MASP2: variants seen among roughly 807,000 people sequenced by gnomAD.
MASP2 encodes the protein MBL associated serine protease 2.
Under a neutral mutation model 57.1 loss-of-function variants are expected in MASP2, and 49 were observed. The ratio of observed to expected loss-of-function variants is 0.86; its 90% CI spans 0.68 to 1.09. The LOEUF (loss-of-function observed/expected upper bound fraction) is 1.09, where lower values mean the gene tolerates loss of function less well. MASP2 is among the 50% of genes least tolerant of loss of function. The probability of loss-of-function intolerance (pLI) is 0.00; values close to 1 mark genes in which losing one functional copy is unlikely to be tolerated. For missense variants in MASP2, 900 were observed against 874.8 expected (o/e 1.03, Z -0.36); for synonymous variants, 379 against 340.8 (o/e 1.11, Z -1.24).
chr1:11,030,649 T>A, intron 9 of MASP2, 99 bp downstream of exon 9: 1 of 1,348,282 alleles, frequency 7.4e-7, no homozygotes, highest in East Asian at 2.5e-5. Context: ...TAATCTTTTG[T>A]CTAGCCTTAG....
chr1:11,045,670 C>A, intron 3 of MASP2, 131 bp from the exon 4 acceptor site: 1 of 1,056,058 alleles, frequency 9.5e-7, no homozygotes, highest in Non-Finnish European at 1.3e-6. Flanking sequence ...GGGTGCGGGA[C>A]TGGTGCCGGG....
At chr1:11,044,729 A>C in intron 4 of MASP2, 1 of 1,360,014 alleles carries the variant, frequency 7.4e-7, no homozygotes, top group Non-Finnish European at 9.9e-7. Context: ...GGCTGTGAGG[A>C]GGGTAGGCAG....
At chr1:11,047,161 C>G (rs1638672485) in intron 1 of MASP2, 42 bp from the exon 2 acceptor site, 1 of 1,554,860 alleles carries the variant, frequency 6.4e-7, no homozygotes, top group African/African-American at 1.4e-5. Context: ...GGCCTGTGCT[C>G]CCACCCCACA....
At chr1:11,028,709 T>TG (rs1557665500) in intron 10 of MASP2, among the ~76,000 whole-genome samples, 4 of 119,796 alleles carry the variant, frequency 3.3e-5, no homozygotes, top group African/African-American at 2.0e-4. Flanking sequence ...TTTTTTTCTT[T>TG]TTTTTTTTTT....
At chr1:11,035,951 G>T (rs1643883219) in intron 7 of MASP2, among the ~76,000 whole-genome samples, 1 of 151,208 alleles carries the variant, frequency 6.6e-6, no homozygotes, top group Non-Finnish European at 1.5e-5. Context: ...TGAGAAAGCA[G>T]GTGTGATCAG....
intron 7 of MASP2, 136 bp from the exon 8 acceptor site, chr1:11,035,042 G>A (rs1557670016): frequency 1.7e-6 from 1 of 590,242 alleles, no homozygotes; most frequent in Non-Finnish European, 3.0e-6. Flanking sequence ...CACATGACTA[G>A]TATCTGCGTG....
chr1:11,030,466 A>G (rs949490630), intron 9 of MASP2: 13 of 582,774 alleles, frequency 2.2e-5, no homozygotes, highest in African/African-American at 2.1e-4. Context: ...TTGAATATGT[A>G]TCAAGATCTC....
Position 11,039,901 on chromosome 1 carries a change from T to TGG in MASP2, c.890-2091_890-2090insCC, listed in dbSNP as rs1426190243. Among the ~76,000 whole-genome samples, 34 of 77,672 alleles carry TGG rather than the reference T, an allele frequency of 4.4e-4. 1 individual carries two copies. Among genetic ancestry groups the TGG allele is most frequent in the African/African-American group, 1.1e-3 (28 of 25,302 alleles). 51.0% of individuals were successfully genotyped at this position (77,672 alleles called of 152,430 possible). ...ATGGATGGATGGATGGATGGATGGA[T>TGG]AGATGGATGGATAGATGGATAGGAT... On this transcript the variant is annotated intron_variant, in intron 6 of 10. Coordinates refer to ENST00000400897, the MANE Select transcript of MASP2 (RefSeq NM_006610.4).
chr1:11,031,246 G>A (rs974172077), intron 8 of MASP2, among the ~76,000 whole-genome samples: 19 of 151,648 alleles, frequency 1.3e-4, no homozygotes, highest in Non-Finnish European at 2.1e-4. Flanking sequence ...ATCTGCGGCC[G>A]GGCGCGATGG....
intron 5 of MASP2, 35 bp downstream of exon 5, chr1:11,043,304 G>A (rs1158062594): frequency 1.3e-5 from 21 of 1,563,234 alleles, no homozygotes; most frequent in Non-Finnish European, 1.7e-5. Flanking sequence ...TGAGGGGGAG[G>A]ATCTGGGACA....
chr1:11,047,096 A>G lies in MASP2; in HGVS notation c.29T>C (p.Leu10Pro). 1 of 1,550,850 alleles carries G rather than the reference A, an allele frequency of 6.4e-7. No homozygotes were observed. The highest frequency in any genetic ancestry group is 8.7e-7 in the Non-Finnish European group (1 of 1,147,122). The change falls in exon 2 of 11, where the codon CTG becomes CCG. Residue 10 changes from leucine (L) to proline (P), a missense_variant. Transcript: ENST00000400897. MRLLTLLGLLCGSVATPLGP... is the reference protein window; with the variant it reads MRLLTLLGLPCGSVATPLGP... ...CAAGGGGGTGGCCACCGAGCCACACAGAAGGCCCAGGAGGGTCAGCAGCCT... is the reference window on the plus strand; with the variant it reads ...CAAGGGGGTGGCCACCGAGCCACACGGAAGGCCCAGGAGGGTCAGCAGCCT...
At chr1:11,044,797 G>T (rs1638575605) in intron 4 of MASP2, 6 of 1,521,246 alleles carry the variant, frequency 3.9e-6, no homozygotes, top group Non-Finnish European at 5.3e-6. Flanking sequence ...GTGGCAGCAG[G>T]TGGGGTGGGG....
Position 11,026,975 on chromosome 1 carries a change from G to A in MASP2, c.1971C>T (p.Ser657=). The A allele has an allele frequency of 6.4e-7, 1 of 1,567,240 alleles. No homozygotes were observed. Among genetic ancestry groups the A allele is most frequent in the Admixed American group, 2.0e-5 (1 of 49,652 alleles). The stretch of plus-strand genomic sequence containing the variant: ...ACTGACCTGCTTCCCCACAATTCAT[G>A]GAACCCCAGGACACTATTCCTCCCA... The part of the protein sequence containing the change: ...WFVGGIVSWG[S]MNCGEAGQYG... Residue 657 remains serine, a synonymous_variant, in exon 11 of 11, where the codon TCC becomes TCT. Coordinates refer to ENST00000400897, the MANE Select transcript of MASP2 (RefSeq NM_006610.4).
intron 4 of MASP2, chr1:11,044,799 G>C: frequency 2.0e-6 from 3 of 1,523,148 alleles, no homozygotes; most frequent in Non-Finnish European, 2.6e-6. Context: ...GGCAGCAGGT[G>C]GGGTGGGGCC....
At chr1:11,027,684 A>G (rs759049876) in intron 10 of MASP2, 36 bp from the exon 11 acceptor site, 3 of 1,538,464 alleles carry the variant, frequency 1.9e-6, no homozygotes, top group Admixed American at 4.3e-5. Context: ...GAGCCTTTGT[A>G]AAAATGTCAA....
intron 10 of MASP2, 98 bp downstream of exon 10, chr1:11,030,078 T>TA (rs1282684951): frequency 8.5e-6 from 7 of 820,586 alleles, no homozygotes; most frequent in South Asian, 1.6e-5. Context: ...GTGCTGAAGT[T>TA]ACATTTCTGC....
At chr1:11,041,353 T>C (rs372270505) in intron 6 of MASP2, among the ~76,000 whole-genome samples, 15 of 138,402 alleles carry the variant, frequency 1.1e-4, no homozygotes, top group South Asian at 4.5e-4. Flanking sequence ...GATGGATAGA[T>C]AGGTGTCTGG....
At chr1:11,029,995 C>G in intron 10 of MASP2, 181 bp downstream of exon 10, 1 of 529,290 alleles carries the variant, frequency 1.9e-6, no homozygotes, top group Non-Finnish European at 3.3e-6. Flanking sequence ...CAGTCAGCAC[C>G]TAACAACCTC....
chr1:11,044,747 C>T (rs1008979038), intron 4 of MASP2: 9 of 1,450,000 alleles, frequency 6.2e-6, no homozygotes, highest in African/African-American at 5.7e-5. Context: ...CAGAGAGGAG[C>T]GCACCCCGCC....
Sources: allele counts gnomAD v4.1 joint callset (sites outside exome capture counted in the v4.1 genomes callset), GRCh38; gene constraint gnomAD v4.1.1; transcripts MANE v1.5; gene names NCBI Gene and HGNC (gene_info 2026-07-23, HGNC 2026-07-21).